Variants in WDFY3 observed in about 807,000 individuals in gnomAD.
WDFY3 encodes WD repeat and FYVE domain containing 3.
WDFY3 carries 66 observed loss-of-function variants against 409.6 expected under a neutral mutation model. The ratio of observed to expected loss-of-function variants is 0.16; its 90% CI spans 0.13 to 0.20. The LOEUF is 0.20. Ranked by LOEUF, WDFY3 falls within the 10% of genes least tolerant of loss-of-function variation. The pLI, the probability that WDFY3 is intolerant of heterozygous loss-of-function variation, is 1.00. For synonymous variants in WDFY3, 1,521 were observed against 1,537.1 expected, an observed-to-expected ratio of 0.99 and a Z score of 0.25; for missense variants, 3,031 against 4,298.1, an observed-to-expected ratio of 0.71 and a Z score of 8.24.
intron 3 of WDFY3, among the ~76,000 whole-genome samples, chr4:84,874,001 G>A (rs968285146): frequency 1.3e-5 from 2 of 151,542 alleles, no homozygotes; most frequent in African/African-American, 2.4e-5. Flanking sequence ...GGATGTTCTC[G>A]CACTCCTGGA....
At chr4:84,749,935 A>C (rs546524165) in intron 36 of WDFY3, among the ~76,000 whole-genome samples, 2 of 152,360 alleles carry the variant, frequency 1.3e-5, no homozygotes, top group South Asian at 2.1e-4. Context: ...TAAAAAATAT[A>C]GAAAACAAAA....
At chr4:84,785,081 A>G (rs1747317563) in intron 24 of WDFY3, among the ~76,000 whole-genome samples, 1 of 151,954 alleles carries the variant, frequency 6.6e-6, no homozygotes, top group East Asian at 1.9e-4. Context: ...TAGAAGTCAT[A>G]GTGATAAAAT....
chr4:84,679,424 TA>T (rs902524336), intron 64 of WDFY3, among the ~76,000 whole-genome samples, 182 bp from the exon 65 acceptor site: 1 of 152,034 alleles, frequency 6.6e-6, no homozygotes, highest in African/African-American at 2.4e-5. Context: ...AGCAAAGAAA[TA>T]AAAAAGTCGA....
intron 10 of WDFY3, among the ~76,000 whole-genome samples, chr4:84,825,130 A>C (rs1754665442): frequency 6.6e-6 from 1 of 152,208 alleles, no homozygotes; most frequent in South Asian, 2.1e-4. Flanking sequence ...AAAACCAGGC[A>C]ATGATATATG....
Position 84,679,088 on chromosome 4 carries a change from A to G in WDFY3, c.9978T>C (p.Ser3326=), listed in dbSNP as rs773984751. ...CRATAAWCTD[S]GSDDSRRWSD... ...ACCAGCGTCTGGAGTCGTCAGAGCC[A>G]CTGTCAGTACACCAGGCGGCTGTTG... The change falls in exon 65 of 68, where the codon AGT becomes AGC. Residue 3326 remains serine, a synonymous_variant. Coordinates refer to ENST00000295888, the MANE Select transcript of WDFY3 (RefSeq NM_014991.6). 52 of 1,614,040 alleles carry G rather than the reference A, an allele frequency of 3.2e-5. No individual in the cohort carries two copies. The highest frequency in any genetic ancestry group is 1.3e-4 in the Admixed American group (8 of 60,006).
intron 12 of WDFY3, among the ~76,000 whole-genome samples, chr4:84,817,987 G>C (rs1032388261): frequency 6.6e-6 from 1 of 152,098 alleles, no homozygotes; most frequent in African/African-American, 2.4e-5. Context: ...AGCAAGAAAG[G>C]AATGGAATAA....
At chr4:84,839,951 T>C (rs114989565) in intron 6 of WDFY3, among the ~76,000 whole-genome samples, 19 of 152,144 alleles carry the variant, frequency 1.2e-4, no homozygotes, top group African/African-American at 4.3e-4. Flanking sequence ...TTCTAAGAGA[T>C]AATTACTTTG....
At chr4:84,789,930 T>A in intron 21 of WDFY3, 23 bp from the exon 22 acceptor site, 1 of 1,612,194 alleles carries the variant, frequency 6.2e-7, no homozygotes, top group Non-Finnish European at 8.5e-7. Context: ...GGGGAAGACA[T>A]AAAAACTTTT....
chr4:84,817,039 A>T (rs1218073596), intron 13 of WDFY3, among the ~76,000 whole-genome samples: 2 of 152,164 alleles, frequency 1.3e-5, no homozygotes, highest in African/African-American at 4.8e-5. Flanking sequence ...TGTGTATAAA[A>T]TGCCAAATCT....
chr4:84,767,094 A>G (rs1006051230), intron 30 of WDFY3, among the ~76,000 whole-genome samples: 1 of 152,110 alleles, frequency 6.6e-6, no homozygotes, highest in Non-Finnish European at 1.5e-5. Flanking sequence ...CCACACATAC[A>G]GCAAGTCCAA....
intron 1 of WDFY3, among the ~76,000 whole-genome samples, chr4:84,951,733 T>A (rs147650875): frequency 6.6e-6 from 1 of 152,218 alleles, no homozygotes; most frequent in Non-Finnish European, 1.5e-5. Context: ...ATTAAAATAG[T>A]GCTTGCCAAA....
intron 66 of WDFY3, among the ~76,000 whole-genome samples, chr4:84,677,609 C>A (rs1389704925): frequency 2.0e-5 from 3 of 152,098 alleles, no homozygotes; most frequent in African/African-American, 7.2e-5. Context: ...CTTTGGATCA[C>A]CCTTGCTGTA....
At chr4:84,780,654 C>T (rs1746332658) in intron 25 of WDFY3, among the ~76,000 whole-genome samples, 1 of 152,090 alleles carries the variant, frequency 6.6e-6, no homozygotes, top group African/African-American at 2.4e-5. Context: ...ATCTCAGCTA[C>T]ACAGGAGGCT....
At chr4:84,723,763 A>G (rs1735218199) in intron 46 of WDFY3, among the ~76,000 whole-genome samples, 1 of 152,224 alleles carries the variant, frequency 6.6e-6, no homozygotes, top group Non-Finnish European at 1.5e-5. Flanking sequence ...GACTTTAGAG[A>G]AGGATGATTT....
chr4:84,753,476 G>A (rs1393234346), intron 35 of WDFY3, among the ~76,000 whole-genome samples: 1 of 152,156 alleles, frequency 6.6e-6, no homozygotes, highest in African/African-American at 2.4e-5. Flanking sequence ...AATGAGAAAA[G>A]GAAGTAGAGT....
chr4:84,714,968 G>GA (rs1733607108), intron 50 of WDFY3, among the ~76,000 whole-genome samples: 1 of 149,800 alleles, frequency 6.7e-6, no homozygotes, highest in East Asian at 1.9e-4. Flanking sequence ...AAAAAAAGAA[G>GA]AAGAAAAAAA....
At chr4:84,753,641 A>G (rs1740919783) in intron 35 of WDFY3, 56 bp downstream of exon 35, 1 of 1,483,708 alleles carries the variant, frequency 6.7e-7, no homozygotes. Flanking sequence ...GAAACAGACT[A>G]ATTCCAGTTC....
At chr4:84,677,483 G>A (rs910729490) in intron 66 of WDFY3, 87 bp from the exon 67 acceptor site, 60 of 1,329,716 alleles carry the variant, frequency 4.5e-5, no homozygotes, top group Non-Finnish European at 5.8e-5. Context: ...GTGGATGTGT[G>A]TTTTGAGGTC....
At chr4:84,878,327 T>C (rs1346008623) in intron 3 of WDFY3, among the ~76,000 whole-genome samples, 1 of 152,104 alleles carries the variant, frequency 6.6e-6, no homozygotes, top group African/African-American at 2.4e-5. Flanking sequence ...CATGACTGAA[T>C]GAGGCTGGAA....
Sources: allele counts gnomAD v4.1 joint callset (sites outside exome capture counted in the v4.1 genomes callset), GRCh38; gene constraint gnomAD v4.1.1; transcripts MANE v1.5; gene names NCBI Gene and HGNC (gene_info 2026-07-23, HGNC 2026-07-21).